Variants in CNTN5 observed in about 807,000 individuals in gnomAD.
CNTN5 encodes contactin 5.
CNTN5 carries 77 observed loss-of-function variants against 129.1 expected under a neutral mutation model. That is an observed-to-expected ratio of 0.60 (90% confidence interval 0.50 to 0.72). The LOEUF (loss-of-function observed/expected upper bound fraction) is 0.72, where lower values mean the gene tolerates loss of function less well. Among genes scored for constraint, CNTN5 ranks in the 30% least tolerant of loss-of-function variants. The pLI is 0.00. For missense variants in CNTN5, 1,478 were observed against 1,328.8 expected (o/e 1.11, Z -1.75); for synonymous variants, 509 against 465.6 (o/e 1.09, Z -1.20).
intron 13 of CNTN5, among the ~76,000 whole-genome samples, chr11:100,146,840 C>T (rs1946866347): frequency 6.6e-6 from 1 of 152,072 alleles, no homozygotes; most frequent in South Asian, 2.1e-4. Flanking sequence ...TTTAAGTATA[C>T]ATATTAGTAG....
chr11:99,412,564 T>A (rs1942447019), intron 2 of CNTN5, among the ~76,000 whole-genome samples: 1 of 152,202 alleles, frequency 6.6e-6, no homozygotes, highest in Non-Finnish European at 1.5e-5. Flanking sequence ...CACCAGCTAC[T>A]CTGTTAATAA....
At chr11:99,106,515 A>G (rs1187564928) in intron 1 of CNTN5, among the ~76,000 whole-genome samples, 1 of 152,032 alleles carries the variant, frequency 6.6e-6, no homozygotes, top group African/African-American at 2.4e-5. Context: ...TTATTTTCTT[A>G]AGAGTGATAT....
chr11:100,273,290 C>T (rs1467440947), intron 18 of CNTN5, among the ~76,000 whole-genome samples: 3 of 152,102 alleles, frequency 2.0e-5, no homozygotes, highest in Non-Finnish European at 2.9e-5. Context: ...GCAGCGTCCC[C>T]GACATCCCTC....
intron 2 of CNTN5, among the ~76,000 whole-genome samples, chr11:99,344,611 A>G (rs1054229525): frequency 6.6e-6 from 1 of 152,226 alleles, no homozygotes; most frequent in African/African-American, 2.4e-5. Context: ...AGCAGATCAT[A>G]TAAATAAGAG....
intron 1 of CNTN5, among the ~76,000 whole-genome samples, chr11:99,097,847 A>G (rs1866548923): frequency 6.6e-6 from 1 of 152,006 alleles, no homozygotes. Flanking sequence ...TGAAACCTGT[A>G]TAAATTGAAG....
chr11:99,845,315 G>C, intron 6 of CNTN5, 53 bp downstream of exon 6: 2 of 695,256 alleles, frequency 2.9e-6, no homozygotes, highest in Non-Finnish European at 3.9e-6. Context: ...TGTATATACA[G>C]TATGGATTTT....
intron 13 of CNTN5, among the ~76,000 whole-genome samples, chr11:100,105,940 A>T (rs540056695): frequency 6.6e-6 from 1 of 152,328 alleles, no homozygotes; most frequent in African/African-American, 2.4e-5. Context: ...CCCATTTTAC[A>T]GTGGAACTCT....
In CNTN5 at chr11:100,350,112, T is replaced by TA. The variant is rs559120903; in HGVS notation, c.3031-583dup. Among the ~76,000 whole-genome samples the TA allele has an allele frequency of 2.6e-4, 39 of 151,930 alleles. No individual in the cohort carries two copies. The South Asian group carries it at 7.5e-3, about 29-fold the overall frequency. On this transcript the variant is annotated intron_variant, in intron 23 of 24. Coordinates refer to ENST00000524871, the MANE Select transcript of CNTN5 (RefSeq NM_014361.4). The stretch of plus-strand genomic sequence containing the variant: ...AGCAAACCACTACAAAAGCAAAAAT[T>TA]AAAAAAATAAAATTTTCACTTTCAA...
intron 2 of CNTN5, among the ~76,000 whole-genome samples, chr11:99,337,646 A>T (rs1866289918): frequency 6.6e-6 from 1 of 152,182 alleles, no homozygotes; most frequent in Non-Finnish European, 1.5e-5. Context: ...GATTATGGAC[A>T]TGTTACATTG....
At chr11:99,787,599 C>G (rs1591178456) in intron 3 of CNTN5, among the ~76,000 whole-genome samples, 1 of 151,084 alleles carries the variant, frequency 6.6e-6, no homozygotes, top group Admixed American at 6.6e-5. Context: ...GTTGTCATTG[C>G]CAGTAAGCTG....
intron 9 of CNTN5, among the ~76,000 whole-genome samples, chr11:100,059,578 A>G (rs1442464300): frequency 6.6e-6 from 1 of 152,160 alleles, no homozygotes; most frequent in Non-Finnish European, 1.5e-5. Context: ...CAAATGGCCA[A>G]TAAAATCATG....
In CNTN5 at chr11:100,357,400, T is replaced by C. The variant is rs542813241; in HGVS notation, c.*1180T>C. 4.0e-5 allele frequency: 6 copies of C among 151,824 alleles called. No homozygotes were observed. Among genetic ancestry groups the C allele is most frequent in the Non-Finnish European group, 7.4e-5 (5 of 67,750 alleles). 9.4% of individuals were successfully genotyped at this position (151,824 alleles called of 1,614,324 possible). A position where few individuals can be genotyped will look rare whatever the true frequency, so the allele number is the denominator to read the frequency against. ...GCCAGCTATGCACTGTTTGATTCTG[T>C]GGCTTGGGAAGTAATCCTTATTTGC... On this transcript the variant is annotated 3_prime_UTR_variant, in exon 25 of 25. Transcript: ENST00000524871.
At chr11:100,105,991 C>T (rs1056863050) in intron 13 of CNTN5, among the ~76,000 whole-genome samples, 2 of 152,154 alleles carry the variant, frequency 1.3e-5, no homozygotes, top group East Asian at 1.9e-4. Context: ...TTTAATGGAA[C>T]ACTAGCTACC....
chr11:99,663,653 T>C (rs1169672678), intron 3 of CNTN5, among the ~76,000 whole-genome samples: 2 of 152,110 alleles, frequency 1.3e-5, no homozygotes, highest in African/African-American at 2.4e-5. Context: ...GTTCTCCTGA[T>C]AGTTTTCACA....
At chr11:99,869,439 AC>A (rs1327447210) in intron 6 of CNTN5, among the ~76,000 whole-genome samples, 3 of 152,248 alleles carry the variant, frequency 2.0e-5, no homozygotes, top group Admixed American at 6.5e-5. Flanking sequence ...AGAGACCCTA[AC>A]TTTTGTTTAT....
intron 3 of CNTN5, among the ~76,000 whole-genome samples, chr11:99,556,680 T>A (rs1948684986): frequency 6.7e-6 from 1 of 148,564 alleles, no homozygotes; most frequent in Admixed American, 6.8e-5. Context: ...TTATAGCAGC[T>A]AATTATAAAA....
chr11:99,510,572 G>C (rs1396357711), intron 2 of CNTN5, among the ~76,000 whole-genome samples: 2 of 152,144 alleles, frequency 1.3e-5, no homozygotes, highest in African/African-American at 4.8e-5. Context: ...ATACAGTCAT[G>C]TACCCCATAA....
intron 2 of CNTN5, among the ~76,000 whole-genome samples, chr11:99,398,787 C>T (rs1047181997): frequency 4.0e-5 from 6 of 151,752 alleles, no homozygotes; most frequent in African/African-American, 7.3e-5. Context: ...CAGTTTTTGG[C>T]GATTATGAAT....
At chr11:100,136,129 C>T (rs11222915) in intron 13 of CNTN5, among the ~76,000 whole-genome samples, 8,077 of 152,158 alleles carry the variant, frequency 0.053, 589 homozygotes, top group East Asian at 0.34. Flanking sequence ...TCATCCATAG[C>T]TCAATGAAGA....
Sources: allele counts gnomAD v4.1 joint callset (sites outside exome capture counted in the v4.1 genomes callset), GRCh38; gene constraint gnomAD v4.1.1; transcripts MANE v1.5; gene names NCBI Gene and HGNC (gene_info 2026-07-23, HGNC 2026-07-21).